Variants in ACSL5 observed in about 807,000 individuals in gnomAD.
ACSL5 encodes the protein acyl-CoA synthetase long chain family member 5.
ACSL5 carries 50 observed loss-of-function variants against 84.9 expected under a neutral mutation model. The ratio of observed to expected loss-of-function variants is 0.59; its 90% CI spans 0.47 to 0.75. ACSL5 has a LOEUF of 0.75. ACSL5 is among the 30% of genes least tolerant of loss of function. ACSL5 has a pLI of 0.00. For synonymous variants in ACSL5, 280 were observed against 300.7 expected (o/e 0.93, Z 0.71); for missense variants, 775 against 830.4 (o/e 0.93, Z 0.82).
intron 1 of ACSL5, among the ~76,000 whole-genome samples, chr10:112,393,326 C>T (rs1843680650): frequency 6.6e-6 from 1 of 152,110 alleles, no homozygotes. Flanking sequence ...GGACTATTAT[C>T]CCAGTTTCTG....
chr10:112,382,990 T>C (rs1849380639), intron 1 of ACSL5, among the ~76,000 whole-genome samples: 1 of 152,172 alleles, frequency 6.6e-6, no homozygotes, highest in African/African-American at 2.4e-5. Context: ...CCTTCCCCAC[T>C]GGGTGCCATG....
intron 14 of ACSL5, chr10:112,419,915 A>T (rs1844415541): frequency 6.6e-6 from 1 of 152,218 alleles, no homozygotes; most frequent in Non-Finnish European, 1.5e-5. Context: ...GTTCCACCTG[A>T]AATTTGTCCA....
At chr10:112,417,978 A>G in intron 14 of ACSL5, 37 bp downstream of exon 14, 2 of 1,482,938 alleles carry the variant, frequency 1.3e-6, no homozygotes, top group Non-Finnish European at 1.8e-6. Context: ...AGGCTATTTT[A>G]CTTTTGCACA....
intron 1 of ACSL5, among the ~76,000 whole-genome samples, chr10:112,378,527 G>C (rs1172008090): frequency 6.6e-6 from 1 of 151,958 alleles, no homozygotes; most frequent in African/African-American, 2.4e-5. Context: ...GATTACAGGT[G>C]TGAGCCACTG....
At chr10:112,406,319 T>G (rs1844036464) in intron 5 of ACSL5, 1 of 152,208 alleles carries the variant, frequency 6.6e-6, no homozygotes, top group African/African-American at 2.4e-5. Flanking sequence ...GCCTTTTCTC[T>G]GTGCACATGT....
intron 6 of ACSL5, chr10:112,409,267 G>C (rs199943484): frequency 4.4e-6 from 2 of 453,612 alleles, no homozygotes; most frequent in African/African-American, 2.0e-5. Flanking sequence ...GAATTCTGTG[G>C]TTCCTCTAGA....
chr10:112,401,160 G>A (rs1373916697), intron 3 of ACSL5, among the ~76,000 whole-genome samples: 8 of 152,088 alleles, frequency 5.3e-5, no homozygotes, highest in Non-Finnish European at 1.0e-4. Flanking sequence ...AGGTTGCAGT[G>A]AGCCGAGATC....
intron 18 of ACSL5, among the ~76,000 whole-genome samples, chr10:112,426,003 G>C (rs1358038120): frequency 6.6e-6 from 1 of 152,174 alleles, no homozygotes; most frequent in East Asian, 1.9e-4. Flanking sequence ...ACATGGACAA[G>C]CCAGAGGCGC....
At chr10:112,416,067 A>G (rs1844306246) in intron 12 of ACSL5, among the ~76,000 whole-genome samples, 1 of 152,176 alleles carries the variant, frequency 6.6e-6, no homozygotes, top group African/African-American at 2.4e-5. Context: ...TGGGGTTTGT[A>G]TGGTGTGGCT....
chr10:112,428,122 G>A lies in ACSL5; in HGVS notation c.*764G>A. The A allele has an allele frequency of 1.1e-5, 3 of 276,206 alleles. No individual in the cohort carries two copies. Among genetic ancestry groups the A allele is most frequent in the Non-Finnish European group, 1.3e-5 (2 of 148,784 alleles). The allele number at this position is 276,206 out of a possible 1,614,324, so 17.1% of individuals were successfully genotyped here. ...ACAGTTTGCTGCTGAGCTGGAAGCT[G>A]TGGGGGAAGGAGTTGACAGGTGGGC... On this transcript the variant is annotated 3_prime_UTR_variant, in exon 21 of 21. Transcript: ENST00000354655.
chr10:112,413,058 AG>A, intron 11 of ACSL5, 114 bp from the exon 12 acceptor site: 1 of 1,107,170 alleles, frequency 9.0e-7, no homozygotes, highest in East Asian at 2.4e-5. Context: ...CTTCCAAGAC[AG>A]GTCCCCACTG....
At chr10:112,381,289 G>A (rs1049909586) in intron 1 of ACSL5, among the ~76,000 whole-genome samples, 1 of 152,124 alleles carries the variant, frequency 6.6e-6, no homozygotes, top group African/African-American at 2.4e-5. Context: ...CAGATGGCAG[G>A]AACTATATCG....
chr10:112,374,975 A>AT (rs1219890797), intron 1 of ACSL5, among the ~76,000 whole-genome samples: 1 of 152,078 alleles, frequency 6.6e-6, no homozygotes, highest in Non-Finnish European at 1.5e-5. Flanking sequence ...CAGAGGATTG[A>AT]TAGGAATACA....
At chr10:112,425,854 CAAAA>C (rs141170549) in intron 18 of ACSL5, among the ~76,000 whole-genome samples, 7,169 of 151,920 alleles carry the variant, frequency 0.047, 216 homozygotes, top group Middle Eastern at 0.079. Context: ...AAGCAACAAA[CAAAA>C]GTTTGATCAA....
intron 20 of ACSL5, 66 bp downstream of exon 20, chr10:112,426,925 A>G (rs1024425162): frequency 3.8e-6 from 5 of 1,317,384 alleles, no homozygotes; most frequent in Admixed American, 1.7e-5. Context: ...TTTCCATCTA[A>G]TGAGGTTTAA....
intron 7 of ACSL5, among the ~76,000 whole-genome samples, 200 bp downstream of exon 7, chr10:112,409,885 G>A (rs1844139608): frequency 6.6e-6 from 1 of 152,168 alleles, no homozygotes; most frequent in African/African-American, 2.4e-5. Flanking sequence ...ACAAAGTTCT[G>A]TGGCCAGCTG....
At chr10:112,405,327 T>A (rs531163787) in intron 5 of ACSL5, among the ~76,000 whole-genome samples, 22 of 152,294 alleles carry the variant, frequency 1.4e-4, no homozygotes, top group African/African-American at 5.3e-4. Context: ...CCAGAGGAAG[T>A]CTTTTTATGC....
chr10:112,426,118 G>A (rs1564746533), intron 18 of ACSL5, 140 bp from the exon 19 acceptor site: 1 of 624,824 alleles, frequency 1.6e-6, no homozygotes, highest in Non-Finnish European at 2.8e-6. Flanking sequence ...AATATATGGT[G>A]AGAAAAGAAC....
intron 1 of ACSL5, among the ~76,000 whole-genome samples, chr10:112,378,522 C>G (rs763392025): frequency 5.3e-5 from 8 of 152,122 alleles, no homozygotes; most frequent in Admixed American, 2.6e-4. Flanking sequence ...GCTGGGATTA[C>G]AGGTGTGAGC....
Sources: gnomAD v4.1 joint callset for allele counts (sites outside exome capture counted in the v4.1 genomes callset) on GRCh38, gnomAD v4.1.1 for gene constraint, MANE v1.5 for transcripts, NCBI Gene and HGNC (gene_info 2026-07-23, HGNC 2026-07-21) for gene names.